The following LTBP1 variants were observed in gnomAD, a reference collection of about 807,000 sequenced individuals.
The protein encoded by LTBP1 is latent-transforming growth factor beta-binding protein 1.
Under a neutral mutation model 207.6 loss-of-function variants are expected in LTBP1, and 129 were observed. That is an observed-to-expected ratio of 0.62 (90% CI 0.54 to 0.72). LTBP1 has a LOEUF of 0.72. Among genes scored for constraint, LTBP1 ranks in the 30% least tolerant of loss-of-function variants. The pLI is 0.00. For synonymous variants in LTBP1, 963 were observed against 833.7 expected (o/e 1.16, Z -2.67); for missense variants, 2,281 against 2,217.2 (o/e 1.03, Z -0.58).
At chr2:33,115,302 T>C (rs1448353039) in intron 4 of LTBP1, among the ~76,000 whole-genome samples, 2 of 151,848 alleles carry the variant, frequency 1.3e-5, no homozygotes, top group Middle Eastern at 3.2e-3. Flanking sequence ...AGTAGGCAAA[T>C]CCACAGACAC....
intron 19 of LTBP1, among the ~76,000 whole-genome samples, chr2:33,281,553 A>G (rs1307313020): frequency 6.6e-6 from 1 of 152,128 alleles, no homozygotes; most frequent in African/African-American, 2.4e-5. Flanking sequence ...GAAGACATTT[A>G]GGTGTTTTAA....
chr2:33,142,358 C>G (rs1558695702), intron 5 of LTBP1, among the ~76,000 whole-genome samples: 1 of 152,092 alleles, frequency 6.6e-6, no homozygotes, highest in African/African-American at 2.4e-5. Flanking sequence ...CCGCACGGCC[C>G]TTTCTTCAGC....
At chr2:32,980,702 C>T (rs1682629462) in intron 2 of LTBP1, among the ~76,000 whole-genome samples, 1 of 152,106 alleles carries the variant, frequency 6.6e-6, no homozygotes, top group South Asian at 2.1e-4. Flanking sequence ...TTTCATATTG[C>T]TCCTTAATGT....
chr2:33,135,086 T>C, intron 5 of LTBP1, 126 bp downstream of exon 5: 2 of 981,520 alleles, frequency 2.0e-6, no homozygotes, highest in Non-Finnish European at 2.9e-6. Flanking sequence ...AGTACGAGTA[T>C]GTTTCTTTCA....
chr2:33,121,622 T>C (rs1053174101), intron 4 of LTBP1, among the ~76,000 whole-genome samples: 1 of 152,184 alleles, frequency 6.6e-6, no homozygotes, highest in African/African-American at 2.4e-5. Context: ...CTCCCACGCT[T>C]TCAGCTTACA....
intron 3 of LTBP1, among the ~76,000 whole-genome samples, chr2:33,051,253 C>T (rs1273274664): frequency 6.6e-6 from 1 of 151,974 alleles, no homozygotes; most frequent in African/African-American, 2.4e-5. Flanking sequence ...CCAGTCTCTA[C>T]AAAAAATACA....
intron 3 of LTBP1, among the ~76,000 whole-genome samples, chr2:33,068,949 G>GT (rs2077649497): frequency 6.6e-6 from 1 of 152,128 alleles, no homozygotes; most frequent in South Asian, 2.1e-4. Flanking sequence ...TCATATCAAT[G>GT]TTTAACTATT....
intron 3 of LTBP1, among the ~76,000 whole-genome samples, chr2:33,049,147 C>T (rs2076597411): frequency 6.6e-6 from 1 of 152,062 alleles, no homozygotes; most frequent in Non-Finnish European, 1.5e-5. Flanking sequence ...GATTTTCATT[C>T]CTAAAAACAA....
At chr2:33,096,156 ATTGGAACAAT>A (rs2079377353) in intron 3 of LTBP1, among the ~76,000 whole-genome samples, 1 of 152,228 alleles carries the variant, frequency 6.6e-6, no homozygotes, top group Non-Finnish European at 1.5e-5. Context: ...TATTACATAG[ATTGGAACAAT>A]AGTACAAATG....
intron 3 of LTBP1, among the ~76,000 whole-genome samples, chr2:33,069,440 T>A (rs2077676570): frequency 6.6e-6 from 1 of 152,200 alleles, no homozygotes; most frequent in Non-Finnish European, 1.5e-5. Flanking sequence ...TAGAAGGTAG[T>A]GTTGTCTCCT....
Position 33,004,935 on chromosome 2 carries a change from T to C in LTBP1, c.566-15974T>C, listed in dbSNP as rs1686611685. 2.0e-5 allele frequency among the ~76,000 whole-genome samples: 3 copies of C among 151,962 alleles called. No homozygotes were observed. In the South Asian group the frequency reaches 6.2e-4, roughly 32 times the overall value. On this transcript the variant is annotated intron_variant, in intron 2 of 33. Coordinates refer to ENST00000404816, the MANE Select transcript of LTBP1 (RefSeq NM_206943.4). The stretch of plus-strand genomic sequence containing the variant: ...AAGCTGGCTTTGCATTTGTATTTGA[T>C]AGTATTTAGTGCTTGAAAATGCATG...
chr2:33,047,578 G>C (rs1302466474), intron 3 of LTBP1, among the ~76,000 whole-genome samples: 1 of 152,156 alleles, frequency 6.6e-6, no homozygotes, highest in Admixed American at 6.5e-5. Flanking sequence ...GTGCTGAGAA[G>C]ATTGTATATT....
In LTBP1 at chr2:32,989,051, A is replaced by G. The variant is rs79799412; in HGVS notation, c.566-31858A>G. ...TTCAGACGATAAGTTCATTCCAGAA[A>G]GGTGGTGTTTGGCCTTGAAATGATG... On this transcript the variant is annotated intron_variant, in intron 2 of 33. Coordinates refer to ENST00000404816, the MANE Select transcript of LTBP1 (RefSeq NM_206943.4). Among the ~76,000 whole-genome samples the G allele has an allele frequency of 8.2e-4, 125 of 152,326 alleles. No individual in the cohort carries two copies. In the East Asian group the frequency reaches 0.022, roughly 27 times the overall value.
At chr2:33,075,883 T>C (rs1295287037) in intron 3 of LTBP1, among the ~76,000 whole-genome samples, 1 of 150,722 alleles carries the variant, frequency 6.6e-6, no homozygotes, top group African/African-American at 2.4e-5. Flanking sequence ...TCAATATAAA[T>C]GTGCTTCTTT....
At chr2:33,064,474 A>T (rs2077410622) in intron 3 of LTBP1, among the ~76,000 whole-genome samples, 2 of 152,178 alleles carry the variant, frequency 1.3e-5, no homozygotes, top group Non-Finnish European at 2.9e-5. Flanking sequence ...TCATGTTCAG[A>T]TTGGGTCTCC....
intron 13 of LTBP1, among the ~76,000 whole-genome samples, chr2:33,261,126 C>G (rs565184955): frequency 1.4e-4 from 21 of 152,238 alleles, no homozygotes; most frequent in African/African-American, 4.3e-4. Context: ...CTTTGGAAGG[C>G]TTAGAGTACC....
chr2:33,337,017 A>G (rs2094560912), intron 24 of LTBP1, among the ~76,000 whole-genome samples: 1 of 152,190 alleles, frequency 6.6e-6, no homozygotes, highest in African/African-American at 2.4e-5. Context: ...AATTAAAACG[A>G]TTTTAATTTT....
Position 33,398,736 on chromosome 2 carries a change from A to G in LTBP1, c.*191A>G. 4.1e-6 allele frequency: 2 copies of G among 485,048 alleles called. No individual in the cohort carries two copies. The highest frequency in any genetic ancestry group is 3.9e-5 in the South Asian group (1 of 25,696). The allele number at this position is 485,048 out of a possible 1,614,324, so 30.0% of individuals were successfully genotyped here. ...GATAGGTGTGGCAGACCAAATGGAC[A>G]TTTCTCTAAAAAACCAGTATATATA... is the stretch of plus-strand genomic sequence containing the variant. On this transcript the variant is annotated 3_prime_UTR_variant, in exon 34 of 34. Coordinates refer to ENST00000404816, the MANE Select transcript of LTBP1 (RefSeq NM_206943.4).
intron 2 of LTBP1, among the ~76,000 whole-genome samples, chr2:32,968,890 A>AT (rs1385190096): frequency 8.7e-6 from 1 of 114,428 alleles, no homozygotes; most frequent in African/African-American, 3.4e-5. Flanking sequence ...CACCTGGCTG[A>AT]TTTTTTTCTT....
Sources: gnomAD v4.1 joint callset for allele counts (sites outside exome capture counted in the v4.1 genomes callset) on GRCh38, gnomAD v4.1.1 for gene constraint, MANE v1.5 for transcripts, NCBI Gene and HGNC (gene_info 2026-07-23, HGNC 2026-07-21) for gene names.